LYRM4: variants seen among roughly 807,000 people sequenced by gnomAD.
LYRM4 encodes LYR motif-containing protein 4.
A neutral mutation model predicts 11.7 loss-of-function variants in LYRM4; 9 were observed. That is an observed-to-expected ratio of 0.77 (90% CI 0.46 to 1.34). LYRM4 has a LOEUF of 1.34. Among genes scored for constraint, LYRM4 ranks in the 40% most tolerant of loss-of-function variants. LYRM4 has a pLI of 0.00. For synonymous variants in LYRM4, 42 were observed against 40.4 expected (o/e 1.04, Z -0.15); for missense variants, 133 against 112.5 (o/e 1.18, Z -0.82).
At chr6:5,167,256 G>A (rs1379512036) in intron 2 of LYRM4, among the ~76,000 whole-genome samples, 2 of 152,190 alleles carry the variant, frequency 1.3e-5, no homozygotes, top group Non-Finnish European at 2.9e-5. Context: ...AGGGCATAAA[G>A]TTAAAAGCTT....
chr6:5,117,934 G>A (rs1763199437), intron 2 of LYRM4, among the ~76,000 whole-genome samples: 2 of 151,550 alleles, frequency 1.3e-5, no homozygotes, highest in East Asian at 1.9e-4. Context: ...CCAAAACGAC[G>A]CACTGTTTTT....
At chr6:5,197,927 T>A (rs1443957960) in intron 2 of LYRM4, among the ~76,000 whole-genome samples, 1 of 151,814 alleles carries the variant, frequency 6.6e-6, no homozygotes, top group African/African-American at 2.4e-5. Context: ...ATCCAGCACT[T>A]TGGGAGGCTG....
At chr6:5,250,493 T>A (rs915329779) in intron 1 of LYRM4, among the ~76,000 whole-genome samples, 1 of 152,188 alleles carries the variant, frequency 6.6e-6, no homozygotes, top group Non-Finnish European at 1.5e-5. Flanking sequence ...ACCATTATCA[T>A]TAAACCTGGC....
intron 2 of LYRM4, among the ~76,000 whole-genome samples, chr6:5,208,191 C>T (rs141183061): frequency 6.6e-6 from 1 of 152,262 alleles, no homozygotes; most frequent in African/African-American, 2.4e-5. Context: ...CACTGACAAG[C>T]ACACATCATC....
the LYRM4 span, among the ~76,000 whole-genome samples, chr6:5,075,980 C>T: frequency 2.0e-5 from 3 of 151,864 alleles, no homozygotes; most frequent in South Asian, 2.1e-4. Context: ...AGAAAAAACC[C>T]GTCACGCAGG....
rs920593522 is a variant in LYRM4 at position 5,182,145 on chromosome 6, A to C, written c.207+34473T>G. On this transcript the variant is annotated intron_variant, in intron 2 of 2. Transcript: ENST00000330636. Reference sequence around the variant, plus strand: ...CCAGGAATCAGGTGATATCTCCTCCAGGTCCTGTAACTGCAGCTATTTTTT... The same window carrying C: ...CCAGGAATCAGGTGATATCTCCTCCCGGTCCTGTAACTGCAGCTATTTTTT... Among the ~76,000 whole-genome samples the C allele has an allele frequency of 4.6e-5, 7 of 152,330 alleles. No individual in the cohort carries two copies. In the South Asian group the frequency reaches 1.0e-3, roughly 23 times the overall value.
chr6:5,121,121 G>A (rs956678531), intron 2 of LYRM4, among the ~76,000 whole-genome samples: 7 of 152,112 alleles, frequency 4.6e-5, no homozygotes, highest in Non-Finnish European at 1.0e-4. Context: ...CCCCTGCCCT[G>A]CAATGGAGTG....
chr6:5,131,572 T>C (rs558501386), intron 2 of LYRM4, among the ~76,000 whole-genome samples: 2 of 152,052 alleles, frequency 1.3e-5, no homozygotes, highest in Non-Finnish European at 2.9e-5. Flanking sequence ...GCAAAAAAGC[T>C]CCCTCCAAAG....
At chr6:5,241,051 A>C (rs534047117) in intron 1 of LYRM4, among the ~76,000 whole-genome samples, 1 of 152,240 alleles carries the variant, frequency 6.6e-6, no homozygotes, top group African/African-American at 2.4e-5. Flanking sequence ...GGTTACTTCT[A>C]TTCTATGAAC....
chr6:5,131,476 G>A (rs1194017469), intron 2 of LYRM4, among the ~76,000 whole-genome samples: 1 of 152,166 alleles, frequency 6.6e-6, no homozygotes. Context: ...AAGGCAGGAG[G>A]ATCACTTGAG....
chr6:5,203,818 A>G (rs1046346116), intron 2 of LYRM4, among the ~76,000 whole-genome samples: 2 of 152,326 alleles, frequency 1.3e-5, no homozygotes, highest in African/African-American at 2.4e-5. Flanking sequence ...TGAAAGAAGA[A>G]CGGACAGCTG....
intron 2 of LYRM4, among the ~76,000 whole-genome samples, chr6:5,189,341 GTTAGCCTAAGGTTAGTGC>G (rs1279398915): frequency 1.3e-5 from 2 of 151,418 alleles, no homozygotes; most frequent in Non-Finnish European, 2.9e-5. Context: ...AAGGTTAGTG[GTTAGCCTAAGGTTAGTGC>G]TTAGCCTAAG....
At chr6:5,226,496 T>C (rs1762900693) in intron 1 of LYRM4, among the ~76,000 whole-genome samples, 1 of 152,176 alleles carries the variant, frequency 6.6e-6, no homozygotes, top group African/African-American at 2.4e-5. Flanking sequence ...GCGATTCTCC[T>C]GCCTCAGCCT....
chr6:5,209,392 C>T (rs1165126449), intron 2 of LYRM4, among the ~76,000 whole-genome samples: 4 of 152,222 alleles, frequency 2.6e-5, no homozygotes, highest in Admixed American at 2.0e-4. Context: ...TCTATTATTA[C>T]TTTTTTATTA....
intron 1 of LYRM4, among the ~76,000 whole-genome samples, chr6:5,249,675 C>T (rs957096518): frequency 2.0e-5 from 3 of 152,146 alleles, no homozygotes; most frequent in East Asian, 3.9e-4. Flanking sequence ...CAGGAGGACC[C>T]GCCTTAACTG....
chr6:5,162,387 C>T (rs1298374750), intron 2 of LYRM4, among the ~76,000 whole-genome samples: 1 of 152,194 alleles, frequency 6.6e-6, no homozygotes, highest in Non-Finnish European at 1.5e-5. Flanking sequence ...TCATATGTCC[C>T]TTCAGTGTTT....
chr6:5,247,411 G>T (rs1764244143), intron 1 of LYRM4, among the ~76,000 whole-genome samples: 1 of 152,196 alleles, frequency 6.6e-6, no homozygotes, highest in South Asian at 2.1e-4. Flanking sequence ...TGTCTGCAAG[G>T]AATTGCTTTC....
intron 2 of LYRM4, chr6:5,136,666 C>T: frequency 1.0e-6 from 1 of 985,408 alleles, no homozygotes; most frequent in Non-Finnish European, 1.2e-6. Flanking sequence ...AAGAAGGTGG[C>T]ATTTACAAAT....
At chr6:5,065,805 AC>A in the LYRM4 span, 1 of 327,910 alleles carries the variant, frequency 3.0e-6, no homozygotes, top group Non-Finnish European at 5.2e-6. Context: ...CTACATATTT[AC>A]CAGGGTTTCA....
Sources: gnomAD v4.1 joint callset for allele counts (sites outside exome capture counted in the v4.1 genomes callset) on GRCh38, gnomAD v4.1.1 for gene constraint, MANE v1.5 for transcripts, NCBI Gene and HGNC (gene_info 2026-07-23, HGNC 2026-07-21) for gene names.